RARRES1: variants seen among roughly 807,000 people sequenced by gnomAD.
RARRES1 encodes the protein retinoic acid receptor responder protein 1.
In RARRES1, 34 loss-of-function variants were observed where a neutral mutation model predicts 30.6. The observed-to-expected ratio is 1.11, with a 90% CI of 0.84 to 1.48. The LOEUF is 1.48. RARRES1 is among the 40% of genes most tolerant of loss of function. The pLI is 0.00. For synonymous variants in RARRES1, 153 were observed against 155.5 expected (o/e 0.98, Z 0.12); for missense variants, 373 against 386.5 (o/e 0.97, Z 0.29).
chr3:158,706,438 G>T (rs982975410), intron 3 of RARRES1, among the ~76,000 whole-genome samples: 1 of 152,210 alleles, frequency 6.6e-6, no homozygotes, highest in East Asian at 1.9e-4. Context: ...AAGGCACCAG[G>T]CAGGGGCAGC....
Position 158,697,753 on chromosome 3 carries a change from C to G in RARRES1, c.810G>C (p.Glu270Asp), listed in dbSNP as rs747040029. 2 of 1,611,494 alleles carry G rather than the reference C, an allele frequency of 1.2e-6. No individual in the cohort carries two copies. Among genetic ancestry groups the G allele is most frequent in the South Asian group, 2.2e-5 (2 of 91,010 alleles). Residue 270 changes from glutamate (E) to aspartate (D), a missense_variant, in exon 6 of 6, where the codon GAG becomes GAC. By Grantham distance (45) the Glu-to-Asp change is conservative (BLOSUM62 2). Transcript: ENST00000237696. ...CGGAGGCTTCTTCTGGTGTCTGTAG[C>G]TCTTGACAGTGGTACTTCACTTTAA... ...KPLKVKYHCQ[E>D]LQTPEEASGT...
chr3:158,732,404 G>A lies in RARRES1; in HGVS notation c.12C>T (p.Arg4=). The A allele has an allele frequency of 6.6e-7, 1 of 1,510,798 alleles. No individual in the cohort carries two copies. The highest frequency in any genetic ancestry group is 8.8e-7 in the Non-Finnish European group (1 of 1,135,022). The allele number at this position is 1,510,798 out of a possible 1,614,324, so 93.6% of individuals were successfully genotyped here. Residue 4 remains arginine, a synonymous_variant, in exon 1 of 6, where the codon CGC becomes CGT. Coordinates refer to ENST00000237696, the MANE Select transcript of RARRES1 (RefSeq NM_206963.2). MQP[R]RQRLPAPWSG... ...ACCAGGGAGCAGGCAGCCGTTGCCG[G>A]CGGGGCTGCATGGACGCAGGAAAGT... is the stretch of plus-strand genomic sequence containing the variant.
chr3:158,704,355 C>G, intron 4 of RARRES1, among the ~76,000 whole-genome samples: 1 of 151,656 alleles, frequency 6.6e-6, no homozygotes, highest in Non-Finnish European at 1.5e-5. Flanking sequence ...ACTCTGCGTC[C>G]CGAGTACCTG....
chr3:158,730,769 ATTATT>A (rs967657495), intron 1 of RARRES1, among the ~76,000 whole-genome samples: 4 of 138,180 alleles, frequency 2.9e-5, no homozygotes, highest in African/African-American at 8.2e-5. Flanking sequence ...CTTTTTCTTT[ATTATT>A]TTATTTTATT....
At chr3:158,714,259 A>G (rs1204562317) in intron 1 of RARRES1, among the ~76,000 whole-genome samples, 1 of 152,180 alleles carries the variant, frequency 6.6e-6, no homozygotes, top group African/African-American at 2.4e-5. Flanking sequence ...CCCTCCTGCC[A>G]CCCATAGCCC....
At chr3:158,713,976 T>A in intron 1 of RARRES1, 117 bp from the exon 2 acceptor site, 1 of 894,554 alleles carries the variant, frequency 1.1e-6, no homozygotes, top group Non-Finnish European at 1.7e-6. Flanking sequence ...CATTTATACC[T>A]GAATAAAATT....
At chr3:158,718,537 G>T (rs1253433321) in intron 1 of RARRES1, among the ~76,000 whole-genome samples, 1 of 152,234 alleles carries the variant, frequency 6.6e-6, no homozygotes, top group Non-Finnish European at 1.5e-5. Context: ...GCCCATTGCT[G>T]GGTGGGGTTT....
chr3:158,707,990 A>C (rs2108135894), intron 3 of RARRES1, among the ~76,000 whole-genome samples: 1 of 152,316 alleles, frequency 6.6e-6, no homozygotes, highest in African/African-American at 2.4e-5. Context: ...ATGATAAGTA[A>C]TCAATAGGGA....
At chr3:158,716,646 C>T (rs1405484896) in intron 1 of RARRES1, among the ~76,000 whole-genome samples, 10 of 151,464 alleles carry the variant, frequency 6.6e-5, no homozygotes, top group Admixed American at 3.3e-4. Flanking sequence ...TGCAGTGGCA[C>T]GATCTCGGCT....
chr3:158,721,857 G>A (rs1021672495), intron 1 of RARRES1, among the ~76,000 whole-genome samples: 1 of 152,108 alleles, frequency 6.6e-6, no homozygotes, highest in Non-Finnish European at 1.5e-5. Flanking sequence ...TTGGGAGGCC[G>A]AGGTGGGGCA....
At chr3:158,731,930 G>T (rs893996400) in intron 1 of RARRES1, among the ~76,000 whole-genome samples, 1 of 152,230 alleles carries the variant, frequency 6.6e-6, no homozygotes, top group African/African-American at 2.4e-5. Flanking sequence ...CCAGATTTCT[G>T]CAGACGCTGT....
chr3:158,701,248 G>C (rs534623607), intron 4 of RARRES1, among the ~76,000 whole-genome samples: 47 of 152,148 alleles, frequency 3.1e-4, no homozygotes, highest in Non-Finnish European at 5.6e-4. Context: ...CATATATCCC[G>C]TGTTCTTGGC....
At chr3:158,711,172 C>T (rs1458393327) in intron 2 of RARRES1, among the ~76,000 whole-genome samples, 1 of 152,094 alleles carries the variant, frequency 6.6e-6, no homozygotes, top group African/African-American at 2.4e-5. Flanking sequence ...GGGCATATTT[C>T]CAAAGAAATA....
At position 158,722,881 on chromosome 3, in the gene RARRES1, CA is replaced by C. The variant is rs140630533; in HGVS notation, c.277-9023del. On this transcript the variant is annotated intron_variant, in intron 1 of 5. Coordinates refer to ENST00000237696, the MANE Select transcript of RARRES1 (RefSeq NM_206963.2). ...TGGGCGACAGAGTGAGACTCCATCT[CA>C]AAAAAAAAAAAAAAAAATCTAACAT... is the stretch of plus-strand genomic sequence containing the variant. Among the ~76,000 whole-genome samples the C allele has an allele frequency of 1.1e-3, 117 of 110,082 alleles. 1 individual carries two copies. Among genetic ancestry groups the C allele is most frequent in the Admixed American group, 8.9e-4 (9 of 10,082 alleles). The allele number at this position is 110,082 out of a possible 152,430, so 72.2% of individuals were successfully genotyped here.
intron 1 of RARRES1, among the ~76,000 whole-genome samples, chr3:158,716,250 A>G (rs1315659233): frequency 6.6e-6 from 1 of 152,190 alleles, no homozygotes; most frequent in African/African-American, 2.4e-5. Context: ...GGGTTATAGA[A>G]GTAGGATCAG....
At chr3:158,710,422 A>T (rs931482280) in intron 3 of RARRES1, among the ~76,000 whole-genome samples, 1 of 151,978 alleles carries the variant, frequency 6.6e-6, no homozygotes, top group African/African-American at 2.4e-5. Context: ...GTTAGCCAGG[A>T]TGGTCTTGAT....
At chr3:158,716,864 G>T (rs1363931993) in intron 1 of RARRES1, among the ~76,000 whole-genome samples, 1 of 152,200 alleles carries the variant, frequency 6.6e-6, no homozygotes, top group African/African-American at 2.4e-5. Flanking sequence ...GATTATAGGC[G>T]TGACTCACTG....
At chr3:158,717,368 G>T (rs1041087628) in intron 1 of RARRES1, among the ~76,000 whole-genome samples, 9 of 152,208 alleles carry the variant, frequency 5.9e-5, no homozygotes, top group African/African-American at 2.2e-4. Context: ...GATTGTGGCT[G>T]ACTTAAGAGC....
intron 2 of RARRES1, among the ~76,000 whole-genome samples, chr3:158,712,350 C>T (rs1380729024): frequency 1.3e-5 from 2 of 152,150 alleles, no homozygotes; most frequent in Non-Finnish European, 2.9e-5. Flanking sequence ...ATGATCATCG[C>T]ACTTCCCTCC....
Sources: gnomAD v4.1 joint callset for allele counts (sites outside exome capture counted in the v4.1 genomes callset) on GRCh38, gnomAD v4.1.1 for gene constraint, MANE v1.5 for transcripts, NCBI Gene and HGNC (gene_info 2026-07-23, HGNC 2026-07-21) for gene names.